The following SLC24A3 variants were observed in gnomAD, a reference collection of about 807,000 sequenced individuals.
SLC24A3 encodes the protein solute carrier family 24 member 3.
Under a neutral mutation model 75.8 loss-of-function variants are expected in SLC24A3, and 28 were observed. That is an observed-to-expected ratio of 0.37 (90% CI 0.27 to 0.51). SLC24A3 has a LOEUF of 0.51. Ranked by LOEUF, SLC24A3 falls within the 20% of genes least tolerant of loss-of-function variation. SLC24A3 has a pLI of 0.94. For synonymous variants in SLC24A3, 372 were observed against 334.1 expected, an observed-to-expected ratio of 1.11 and a Z score of -1.24; for missense variants, 663 against 847.8, an observed-to-expected ratio of 0.78 and a Z score of 2.71.
At chr20:19,692,526 A>G (rs181877177) in intron 12 of SLC24A3, among the ~76,000 whole-genome samples, 2 of 152,324 alleles carry the variant, frequency 1.3e-5, no homozygotes, top group Admixed American at 6.5e-5. Context: ...AAAACATCCT[A>G]TATGGTTTTA....
At chr20:19,645,069 C>G (rs1252608660) in intron 6 of SLC24A3, among the ~76,000 whole-genome samples, 1 of 152,186 alleles carries the variant, frequency 6.6e-6, no homozygotes, top group African/African-American at 2.4e-5. Flanking sequence ...TCTCATTCAT[C>G]ACTACTTCAG....
At chr20:19,659,080 T>A (rs991079916) in intron 7 of SLC24A3, among the ~76,000 whole-genome samples, 9 of 152,222 alleles carry the variant, frequency 5.9e-5, no homozygotes, top group African/African-American at 2.2e-4. Flanking sequence ...ACTGTGAACA[T>A]GGAGAGGAGG....
chr20:19,709,345 G>T (rs952202097), intron 15 of SLC24A3, among the ~76,000 whole-genome samples: 2 of 152,172 alleles, frequency 1.3e-5, no homozygotes, highest in African/African-American at 2.4e-5. Context: ...CAGGGAGATG[G>T]GGGGATGTGG....
At chr20:19,492,713 A>G (rs949205183) in intron 2 of SLC24A3, among the ~76,000 whole-genome samples, 2 of 152,164 alleles carry the variant, frequency 1.3e-5, no homozygotes, top group African/African-American at 4.8e-5. Context: ...CAAAAACTGT[A>G]TTTTTTGAAG....
At chr20:19,346,427 A>G (rs921608713) in intron 2 of SLC24A3, among the ~76,000 whole-genome samples, 28 of 147,918 alleles carry the variant, frequency 1.9e-4, no homozygotes, top group Non-Finnish European at 3.0e-4. Flanking sequence ...TGGTGTGTGT[A>G]TATATGGTGT....
intron 1 of SLC24A3, among the ~76,000 whole-genome samples, chr20:19,243,325 G>A (rs529331142): frequency 1.1e-4 from 17 of 152,326 alleles, no homozygotes; most frequent in African/African-American, 2.9e-4. Context: ...CAACTGTTAC[G>A]GGGTGGGCTA....
At chr20:19,402,480 C>A (rs1298329803) in intron 2 of SLC24A3, among the ~76,000 whole-genome samples, 2 of 152,152 alleles carry the variant, frequency 1.3e-5, no homozygotes, top group Non-Finnish European at 2.9e-5. Flanking sequence ...GTAGTTAGGG[C>A]ACATTGGAAA....
chr20:19,262,130 G>A lies in SLC24A3; in HGVS notation c.143-18829G>A, dbSNP rs539134368. Among the ~76,000 whole-genome samples the A allele has an allele frequency of 2.0e-5, 3 of 152,270 alleles. No homozygotes were observed. The South Asian group carries it at 6.2e-4, about 32-fold the overall frequency. ...ACACAGAAAGAGAGAGAGGCCGGGC[G>A]CGGTGGCTCACGCCTGTAATCCCAG... On this transcript the variant is annotated intron_variant, in intron 1 of 16. Transcript: ENST00000328041.
At chr20:19,231,071 A>G (rs1358263176) in intron 1 of SLC24A3, among the ~76,000 whole-genome samples, 3 of 152,200 alleles carry the variant, frequency 2.0e-5, no homozygotes, top group Non-Finnish European at 4.4e-5. Context: ...AGAACCATGG[A>G]TTAGGTATTA....
chr20:19,593,629 C>T (rs987037808), intron 6 of SLC24A3, among the ~76,000 whole-genome samples: 3 of 152,158 alleles, frequency 2.0e-5, no homozygotes, highest in Non-Finnish European at 2.9e-5. Context: ...AGTTGGGAGA[C>T]GTTGAGGGCT....
intron 2 of SLC24A3, among the ~76,000 whole-genome samples, chr20:19,290,168 C>T (rs6045956): frequency 0.04 from 6,116 of 152,230 alleles, 408 homozygotes; most frequent in African/African-American, 0.14. Context: ...GTAACAAGCC[C>T]TCCAGGGGCT....
At chr20:19,541,968 C>G (rs1210405160) in intron 3 of SLC24A3, among the ~76,000 whole-genome samples, 1 of 152,220 alleles carries the variant, frequency 6.6e-6, no homozygotes, top group Non-Finnish European at 1.5e-5. Flanking sequence ...GCCTCAGCTC[C>G]TGCCCTTCCA....
intron 3 of SLC24A3, among the ~76,000 whole-genome samples, chr20:19,577,536 A>C (rs914412557): frequency 6.6e-6 from 1 of 152,242 alleles, no homozygotes; most frequent in African/African-American, 2.4e-5. Context: ...AAAGTTACAC[A>C]AGAAATACTA....
chr20:19,254,869 C>T (rs1478211566), intron 1 of SLC24A3, among the ~76,000 whole-genome samples: 1 of 152,198 alleles, frequency 6.6e-6, no homozygotes, highest in Non-Finnish European at 1.5e-5. Context: ...GCTGGCTGCA[C>T]CACTTACTAG....
chr20:19,430,298 G>A (rs1421125971), intron 2 of SLC24A3, among the ~76,000 whole-genome samples: 1 of 152,162 alleles, frequency 6.6e-6, no homozygotes, highest in African/African-American at 2.4e-5. Flanking sequence ...TTAAAGCAGA[G>A]AAGATCAATA....
At chr20:19,388,421 G>A (rs1284673820) in intron 2 of SLC24A3, among the ~76,000 whole-genome samples, 2 of 152,076 alleles carry the variant, frequency 1.3e-5, no homozygotes, top group African/African-American at 4.8e-5. Context: ...TATAAGTATA[G>A]CTATCCTCAG....
chr20:19,384,040 A>C (rs575336039), intron 2 of SLC24A3, among the ~76,000 whole-genome samples: 1 of 152,334 alleles, frequency 6.6e-6, no homozygotes, highest in East Asian at 1.9e-4. Context: ...AGCTTTATCA[A>C]GGCATAATTG....
rs191202855 is a variant in SLC24A3, at chr20:19,329,607, G to T, written c.271+48520G>T. 3.3e-4 allele frequency among the ~76,000 whole-genome samples: 50 copies of T among 152,326 alleles called. 1 individual carries two copies. The highest frequency in any genetic ancestry group is 3.3e-3 in the East Asian group (17 of 5,186). ...ATCATGAAGCTATGAAGGCTATTTT[G>T]TATGCAGTATTATTGAATTTGTTGC... is the stretch of plus-strand genomic sequence containing the variant. On this transcript the variant is annotated intron_variant, in intron 2 of 16. Transcript: ENST00000328041.
chr20:19,636,062 C>T (rs972703340), intron 6 of SLC24A3, among the ~76,000 whole-genome samples: 33 of 152,130 alleles, frequency 2.2e-4, no homozygotes, highest in African/African-American at 7.2e-4. Flanking sequence ...ATGGCATGAA[C>T]CCGGGAGGCA....
Sources: allele counts gnomAD v4.1 joint callset (sites outside exome capture counted in the v4.1 genomes callset), GRCh38; gene constraint gnomAD v4.1.1; transcripts MANE v1.5; gene names NCBI Gene and HGNC (gene_info 2026-07-23, HGNC 2026-07-21).